Variants in TRPS1 observed in about 807,000 individuals in gnomAD.
TRPS1 encodes the protein transcriptional repressor GATA binding 1.
Under a neutral mutation model 101.2 loss-of-function variants are expected in TRPS1, and 6 were observed. That is an observed-to-expected ratio of 0.06 (90% confidence interval 0.03 to 0.12). The LOEUF (loss-of-function observed/expected upper bound fraction) is 0.12, where lower values mean the gene tolerates loss of function less well. TRPS1 is among the 10% of genes least tolerant of loss of function. TRPS1 has a pLI of 1.00. For synonymous variants in TRPS1, 578 were observed against 589.8 expected (o/e 0.98, Z 0.29); for missense variants, 1,363 against 1,567.0 (o/e 0.87, Z 2.20).
Position 115,414,983 on chromosome 8 carries a change from C to G in TRPS1, c.2925G>C (p.Gln975His), listed in dbSNP as rs758311936. 5 of 1,577,388 alleles carry G rather than the reference C, an allele frequency of 3.2e-6. No homozygotes were observed. Among genetic ancestry groups the G allele is most frequent in the Non-Finnish European group, 4.3e-6 (5 of 1,165,922 alleles). The stretch of plus-strand genomic sequence containing the variant: ...TGCTGCCCCTCTGCTGTTTGTTGAG[C>G]TGCTCAGCCTGAAGTGCCTCTGGGT... ...RLNPEALQAEQLNKQQRGSNE... is the reference protein window; with the variant it reads ...RLNPEALQAEHLNKQQRGSNE... The change falls in exon 7 of 7, where the codon CAG becomes CAC. Residue 975 changes from glutamine to histidine, a missense_variant. By Grantham distance (24) the Gln-to-His change is conservative (BLOSUM62 0). Coordinates refer to ENST00000395715, the MANE Select transcript of TRPS1 (RefSeq NM_014112.5). This position sits in a 1 kb window ranked among gnomAD's most constrained non-coding sequence, Gnocchi z 4.8.
Position 115,587,372 on chromosome 8 carries a change from C to A in TRPS1, c.2329G>T (p.Val777Leu). 1 of 1,614,244 alleles carries A rather than the reference C, an allele frequency of 6.2e-7. No homozygotes were observed. Reference protein sequence around the residue: ...SKMGEPVSESVVKREKLEEKD... With the variant: ...SKMGEPVSESLVKREKLEEKD... ...TCTTCCAGCTTCTCTCTCTTCACCA[C>A]ACTCTCAGAAACTGGCTCTCCCATT... The change falls in exon 5 of 7, where the codon GTG (valine) becomes TTG (leucine). Residue 777 changes from valine to leucine, a missense_variant. This residue lies in a region of TRPS1 where 1,020 missense variants were observed against 1,073.0 expected (regional missense o/e 0.95). Coordinates refer to ENST00000395715, the MANE Select transcript of TRPS1 (RefSeq NM_014112.5).
chr8:115,551,065 C>A (rs1228276478), intron 5 of TRPS1, among the ~76,000 whole-genome samples: 1 of 152,156 alleles, frequency 6.6e-6, no homozygotes, highest in Non-Finnish European at 1.5e-5. Context: ...ATGCATCCCT[C>A]CAGCCAAAGT....
intron 5 of TRPS1, among the ~76,000 whole-genome samples, chr8:115,561,573 T>C (rs1811119746): frequency 6.6e-6 from 1 of 151,768 alleles, no homozygotes; most frequent in Non-Finnish European, 1.5e-5. Flanking sequence ...CACTATTAAG[T>C]AATGGAAATA....
chr8:115,569,597 A>G (rs1817152349), intron 5 of TRPS1, among the ~76,000 whole-genome samples: 1 of 152,098 alleles, frequency 6.6e-6, no homozygotes, highest in Admixed American at 6.6e-5. Context: ...GACTTAAGGA[A>G]TAATAATCTA....
At chr8:115,498,431 A>G (rs867019108) in intron 5 of TRPS1, among the ~76,000 whole-genome samples, 4 of 126,128 alleles carry the variant, frequency 3.2e-5, no homozygotes, top group African/African-American at 1.2e-4. Context: ...ATATATATAT[A>G]TATATATATA....
chr8:115,525,289 A>G (rs1815968981), intron 5 of TRPS1, among the ~76,000 whole-genome samples: 1 of 152,102 alleles, frequency 6.6e-6, no homozygotes, highest in Non-Finnish European at 1.5e-5. Flanking sequence ...TGCCCTACAA[A>G]TTGAATTTGA....
intron 5 of TRPS1, among the ~76,000 whole-genome samples, chr8:115,535,522 C>T (rs543256338): frequency 2.4e-4 from 35 of 147,524 alleles, no homozygotes; most frequent in South Asian, 1.1e-3. Context: ...ATATATATAG[C>T]GCATATATAG....
intron 5 of TRPS1, among the ~76,000 whole-genome samples, chr8:115,501,321 G>C (rs977053478): frequency 2.6e-5 from 4 of 152,304 alleles, no homozygotes; most frequent in Non-Finnish European, 4.4e-5. Context: ...AAAAAAGGTA[G>C]ACAATTCTGT....
intron 5 of TRPS1, among the ~76,000 whole-genome samples, chr8:115,557,857 G>T (rs1816858940): frequency 6.6e-6 from 1 of 152,060 alleles, no homozygotes; most frequent in African/African-American, 2.4e-5. Context: ...CAAGCACCAT[G>T]GCTATTATCT....
At chr8:115,580,265 T>A (rs958360559) in intron 5 of TRPS1, among the ~76,000 whole-genome samples, 1 of 149,210 alleles carries the variant, frequency 6.7e-6, no homozygotes, top group African/African-American at 2.5e-5. Context: ...TATATATATA[T>A]GAGAGACAAT....
chr8:115,441,495 A>G (rs1322119973), intron 5 of TRPS1, among the ~76,000 whole-genome samples: 1 of 152,206 alleles, frequency 6.6e-6, no homozygotes, highest in Non-Finnish European at 1.5e-5. Context: ...GATCGGGAAG[A>G]GTAGCATATA....
intron 5 of TRPS1, among the ~76,000 whole-genome samples, chr8:115,464,747 C>T (rs1814275966): frequency 6.6e-6 from 1 of 152,092 alleles, no homozygotes; most frequent in African/African-American, 2.4e-5. Context: ...AAAACTTCGA[C>T]TCTCTCTGGA....
At chr8:115,571,281 A>G (rs529730742) in intron 5 of TRPS1, among the ~76,000 whole-genome samples, 52 of 152,320 alleles carry the variant, frequency 3.4e-4, no homozygotes, top group African/African-American at 1.2e-3. Flanking sequence ...AAGAACTACC[A>G]TAAATTCTGT....
At chr8:115,592,316 C>T (rs1465570642) in intron 4 of TRPS1, among the ~76,000 whole-genome samples, 1 of 152,180 alleles carries the variant, frequency 6.6e-6, no homozygotes, top group Non-Finnish European at 1.5e-5. Context: ...CTAGCTACAT[C>T]ATGGCTCTAA....
chr8:115,623,775 A>C lies in TRPS1; in HGVS notation c.-121-17T>G. 6.9e-7 allele frequency: 1 copy of C among 1,442,314 alleles called. No individual in the cohort carries two copies. The highest frequency in any genetic ancestry group is 1.4e-5 in the African/African-American group (1 of 69,792). 89.3% of individuals were successfully genotyped at this position (1,442,314 alleles called of 1,614,324 possible). A position where few individuals can be genotyped will look rare whatever the true frequency, so the allele number is the denominator to read the frequency against. On this transcript the variant is annotated splice_polypyrimidine_tract_variant and intron_variant, in intron 1 of 6. Coordinates refer to ENST00000395715, the MANE Select transcript of TRPS1 (RefSeq NM_014112.5). ...TCTGTACATCTGCAAAACAAAGCAA[A>C]AGAAAAATTTTCCTTCCTAAATGAT...
intron 5 of TRPS1, among the ~76,000 whole-genome samples, chr8:115,581,871 G>A (rs1000411532): frequency 6.6e-6 from 1 of 152,080 alleles, no homozygotes; most frequent in African/African-American, 2.4e-5. Flanking sequence ...TCAAATAGAT[G>A]TCAACAGAAA....
At chr8:115,460,507 T>C (rs1287052291) in intron 5 of TRPS1, among the ~76,000 whole-genome samples, 1 of 152,090 alleles carries the variant, frequency 6.6e-6, no homozygotes, top group Admixed American at 6.6e-5. Context: ...ATTTTATTTT[T>C]ATTTTCAGAT....
At position 115,608,675 on chromosome 8, in the gene TRPS1, A is replaced by G. The variant is rs200963914; in HGVS notation, c.967-3673T>C. Among the ~76,000 whole-genome samples the G allele has an allele frequency of 3.3e-5, 5 of 151,502 alleles. No homozygotes were observed. The East Asian group carries it at 7.7e-4, about 23-fold the overall frequency. On this transcript the variant is annotated intron_variant, in intron 3 of 6. Transcript: ENST00000395715. ...GAGAACTATGGATTTGTGCTGTCCA[A>G]TAGTACTTCCTGAGATGATAAAAAT...
At chr8:115,559,505 G>A (rs1199166532) in intron 5 of TRPS1, among the ~76,000 whole-genome samples, 1 of 152,038 alleles carries the variant, frequency 6.6e-6, no homozygotes, top group Non-Finnish European at 1.5e-5. Flanking sequence ...TGAATGTTCA[G>A]ATATACACAG....
Sources: allele counts gnomAD v4.1 joint callset (sites outside exome capture counted in the v4.1 genomes callset), GRCh38; gene constraint gnomAD v4.1.1; regional missense constraint gnomAD v4.1.1; non-coding constraint Gnocchi (gnomAD v3.1); transcripts MANE v1.5; gene names NCBI Gene and HGNC (gene_info 2026-07-23, HGNC 2026-07-21).